NAAA: variants seen among roughly 807,000 people sequenced by gnomAD.
The protein encoded by NAAA is N-acylethanolamine-hydrolyzing acid amidase.
A neutral mutation model predicts 44.8 loss-of-function variants in NAAA; 39 were observed. The observed-to-expected ratio is 0.87, with a 90% confidence interval of 0.67 to 1.14. The LOEUF (loss-of-function observed/expected upper bound fraction) is 1.14, where lower values mean the gene tolerates loss of function less well. Ranked by LOEUF, NAAA falls within the 50% of genes most tolerant of loss-of-function variation. The pLI is 0.00. For synonymous variants in NAAA, 178 were observed against 191.3 expected (o/e 0.93, Z 0.58); for missense variants, 460 against 467.8 (o/e 0.98, Z 0.15).
At chr4:75,919,864 A>G (rs745520054) in intron 8 of NAAA, 45 bp downstream of exon 8, 18 of 1,544,062 alleles carry the variant, frequency 1.2e-5, no homozygotes, top group Non-Finnish European at 1.6e-5. Flanking sequence ...CTATTAACAA[A>G]ACACCAAACA....
chr4:75,914,967 C>T lies in NAAA; in HGVS notation c.1017G>A (p.Thr339=), dbSNP rs187326632. Residue 339 remains threonine (T), a synonymous_variant, in exon 10 of 11, where the codon ACG becomes ACA. Transcript: ENST00000286733. The stretch of plus-strand genomic sequence containing the variant: ...TGTCTGGGCTACCGGCGCTCATTAC[C>T]GTAGTATAAATTGTGAAGCTGAAAA... ...PVYNNFTIYT[T]VMSAGSPDKY... The T allele has an allele frequency of 1.4e-4, 220 of 1,613,006 alleles. No homozygotes were observed. In the East Asian group the frequency reaches 2.6e-3, roughly 19 times the overall value.
At chr4:75,925,939 C>A in intron 4 of NAAA, 128 bp from the exon 5 acceptor site, 3 of 829,348 alleles carry the variant, frequency 3.6e-6, no homozygotes, top group South Asian at 3.2e-5. Flanking sequence ...ATCTTTTGTA[C>A]CAGGATACAA....
chr4:75,916,778 CT>C (rs35739236), intron 9 of NAAA, among the ~76,000 whole-genome samples: 16,543 of 76,076 alleles, frequency 0.22, 1,221 homozygotes, highest in Non-Finnish European at 0.25. Context: ...TTCATCACTT[CT>C]TTTTTTTTTT....
At chr4:75,939,959 C>T (rs1205778938) in intron 2 of NAAA, 42 bp downstream of exon 2, 1 of 1,607,214 alleles carries the variant, frequency 6.2e-7, no homozygotes, top group East Asian at 2.2e-5. Flanking sequence ...TCGGGGGCCC[C>T]CGCAAGCCCC....
At position 75,925,833 on chromosome 4, in the gene NAAA, TTA is replaced by T. The variant is rs763706323; in HGVS notation, c.590-24_590-23del. The T allele has an allele frequency of 1.9e-6, 3 of 1,604,140 alleles. No homozygotes were observed. The Admixed American group carries it at 5.0e-5, about 27-fold the overall frequency. On this transcript the variant is annotated intron_variant, in intron 4 of 10. Transcript: ENST00000286733. ...TTATCTGCCAAGTTGAGTATATATG[TTA>T]TATATGTGTGTGTATATATGTACAC...
At chr4:75,937,961 A>C (rs886784477) in intron 2 of NAAA, among the ~76,000 whole-genome samples, 2 of 152,268 alleles carry the variant, frequency 1.3e-5, no homozygotes, top group African/African-American at 4.8e-5. Context: ...GTGATGCAGC[A>C]GTGCACAAGC....
In NAAA at chr4:75,926,480, G is replaced by A. The variant is rs1452020482; in HGVS notation, c.590-669C>T. The stretch of plus-strand genomic sequence containing the variant: ...GGAGGCTGAGGGAGGAGAATTGCTT[G>A]AACCTGGGAGGCGGAGGTTGCAGTG... On this transcript the variant is annotated intron_variant, in intron 4 of 10. Transcript: ENST00000286733. Among the ~76,000 whole-genome samples the A allele has an allele frequency of 2.7e-5, 4 of 146,618 alleles. No individual in the cohort carries two copies. The South Asian group carries it at 6.7e-4, about 24-fold the overall frequency.
downstream of NAAA, among the ~76,000 whole-genome samples, chr4:75,911,130 G>A (rs1725307481): frequency 6.6e-6 from 1 of 152,168 alleles, no homozygotes; most frequent in Non-Finnish European, 1.5e-5. Context: ...CAAGGGTGGG[G>A]AGGGTGTCTT....
intron 4 of NAAA, 39 bp downstream of exon 4, chr4:75,931,175 T>A: frequency 6.5e-7 from 1 of 1,527,440 alleles, no homozygotes; most frequent in Non-Finnish European, 9.1e-7. Flanking sequence ...AACTGAACAA[T>A]AATGTAGCTA....
At chr4:75,938,715 A>G (rs757386780) in intron 2 of NAAA, among the ~76,000 whole-genome samples, 17 of 152,224 alleles carry the variant, frequency 1.1e-4, no homozygotes, top group South Asian at 4.1e-4. Context: ...TGGCAAAACA[A>G]TAAGTATTGA....
rs370190996 is a variant in NAAA, at chr4:75,929,292, G to A, written c.589+1922C>T. Among the ~76,000 whole-genome samples, 3 of 152,010 alleles carry A rather than the reference G, an allele frequency of 2.0e-5. No homozygotes were observed. The East Asian group carries it at 5.8e-4, about 29-fold the overall frequency. Reference sequence around the variant, plus strand: ...TCCTCATATCTTTATCCTTTCCTAGGGTGGCTTTGAGGCATTGCTGGCACC... The same window carrying A: ...TCCTCATATCTTTATCCTTTCCTAGAGTGGCTTTGAGGCATTGCTGGCACC... On this transcript the variant is annotated intron_variant, in intron 4 of 10. Transcript: ENST00000286733.
chr4:75,919,043 T>A (rs1455174783), intron 8 of NAAA, among the ~76,000 whole-genome samples: 1 of 86,658 alleles, frequency 1.2e-5, no homozygotes, highest in Non-Finnish European at 2.1e-5. Flanking sequence ...TACCTTGAGG[T>A]GATATAGACT....
In NAAA at chr4:75,924,875, C is replaced by A. The variant is rs548063940; in HGVS notation, c.666+860G>T. Among the ~76,000 whole-genome samples the A allele has an allele frequency of 2.0e-5, 3 of 152,300 alleles. No homozygotes were observed. The South Asian group carries it at 6.2e-4, about 32-fold the overall frequency. ...CACGTCTCTCAGATGACTAGTCCCC[C>A]TTAAAGTGCCTGTCTGAGAAAACTC... On this transcript the variant is annotated intron_variant, in intron 5 of 10. Coordinates refer to ENST00000286733, the MANE Select transcript of NAAA (RefSeq NM_014435.4).
At chr4:75,924,869 GT>G (rs780758292) in intron 5 of NAAA, among the ~76,000 whole-genome samples, 28 of 152,114 alleles carry the variant, frequency 1.8e-4, no homozygotes, top group Non-Finnish European at 4.0e-4. Context: ...CAGATGACTA[GT>G]CCCCCTTAAA....
chr4:75,938,658 A>G (rs1038064461), intron 2 of NAAA, among the ~76,000 whole-genome samples: 2 of 152,196 alleles, frequency 1.3e-5, no homozygotes, highest in Non-Finnish European at 1.5e-5. Context: ...TTAGGCAGCA[A>G]GAAGCTCTAA....
At chr4:75,921,589 G>T (rs907812872) in intron 5 of NAAA, among the ~76,000 whole-genome samples, 1 of 152,202 alleles carries the variant, frequency 6.6e-6, no homozygotes, top group Non-Finnish European at 1.5e-5. Context: ...TGGTGACACA[G>T]TGTAATGAGA....
chr4:75,917,675 A>T, intron 9 of NAAA: 1 of 270,592 alleles, frequency 3.7e-6, no homozygotes, highest in Non-Finnish European at 7.3e-6. Flanking sequence ...CATGTTGGCC[A>T]GGCTGGTCTT....
At position 75,940,999 on chromosome 4, in the gene NAAA, G is replaced by A; in HGVS notation, c.-50C>T. On this transcript the variant is annotated 5_prime_UTR_variant, in exon 1 of 11. Coordinates refer to ENST00000286733, the MANE Select transcript of NAAA (RefSeq NM_014435.4). ...TTGGAGACCTGCAGCCGCTGTCGGAGCCCGGGTAAGCCGTGGAGGAGGAGG... is the reference window on the plus strand; with the variant it reads ...TTGGAGACCTGCAGCCGCTGTCGGAACCCGGGTAAGCCGTGGAGGAGGAGG... The A allele has an allele frequency of 2.1e-6, 3 of 1,419,484 alleles. No homozygotes were observed. Among genetic ancestry groups the A allele is most frequent in the South Asian group, 1.5e-5 (1 of 66,896 alleles). 87.9% of individuals were successfully genotyped at this position (1,419,484 alleles called of 1,614,324 possible). A position where few individuals can be genotyped will look rare whatever the true frequency, so the allele number is the denominator to read the frequency against.
Position 75,914,997 on chromosome 4 carries a change from G to A in NAAA, c.999-12C>T. 1 of 1,578,472 alleles carries A rather than the reference G, an allele frequency of 6.3e-7. No individual in the cohort carries two copies. The highest frequency in any genetic ancestry group is 2.2e-5 in the East Asian group (1 of 44,686). On this transcript the variant is annotated splice_polypyrimidine_tract_variant and intron_variant, in intron 9 of 10. Transcript: ENST00000286733. Reference sequence around the variant, plus strand: ...TATAAATTGTGAAGCTGAAAATTATGAGGAAATTTTATGTACACATCATTT... The same window carrying A: ...TATAAATTGTGAAGCTGAAAATTATAAGGAAATTTTATGTACACATCATTT...
Sources: allele counts gnomAD v4.1 joint callset (sites outside exome capture counted in the v4.1 genomes callset), GRCh38; gene constraint gnomAD v4.1.1; transcripts MANE v1.5; gene names NCBI Gene and HGNC (gene_info 2026-07-23, HGNC 2026-07-21).